The following TH variants were observed in gnomAD, a reference collection of about 807,000 sequenced individuals.
TH encodes the protein tyrosine 3-monooxygenase.
Under a neutral mutation model 57.4 loss-of-function variants are expected in TH, and 49 were observed. The observed-to-expected ratio is 0.85, with a 90% confidence interval of 0.68 to 1.08. TH has a LOEUF of 1.08. Among genes scored for constraint, TH ranks in the 50% least tolerant of loss-of-function variants. The pLI is 0.00. For missense variants in TH, 720 were observed against 696.7 expected (o/e 1.03, Z -0.38); for synonymous variants, 330 against 304.5 (o/e 1.08, Z -0.87).
rs149580405 is a variant in TH at position 2,169,809 on chromosome 11, C to T, written c.153G>A (p.Ala51=). 1.3e-5 allele frequency: 21 copies of T among 1,611,128 alleles called. No individual in the cohort carries two copies. The African/African-American group carries it at 1.6e-4, about 12-fold the overall frequency. ...CTGCAGCGGCCGCTGCTGCCACCGC[C>T]GCCTCCCGCTCCTTGCGGGCGTCCT... ...LIEDARKERE[A]AVAAAAAAVP... The change falls in exon 2 of 13, where the codon GCG becomes GCA. Residue 51 remains alanine (A), a synonymous_variant. Transcript: ENST00000352909.
intron 5 of TH, 53 bp downstream of exon 5, chr11:2,167,813 C>A (rs1846140337): frequency 6.5e-7 from 1 of 1,548,686 alleles, no homozygotes; most frequent in African/African-American, 1.4e-5. Flanking sequence ...CCCCCCAGGT[C>A]CAGCGTCAGC....
chr11:2,166,634 G>A lies in TH; in HGVS notation c.976C>T (p.Pro326Ser), dbSNP rs1461126424. 1.3e-6 allele frequency: 2 copies of A among 1,579,930 alleles called. No homozygotes were observed. Among genetic ancestry groups the A allele is most frequent in the Admixed American group, 1.8e-5 (1 of 54,190 alleles). The change falls in exon 8 of 13, where the codon CCG becomes TCG. Residue 326 changes from proline to serine, a missense_variant and splice_region_variant. Transcript: ENST00000352909. Reference protein sequence around the residue: ...HASSPMHSPEPDCCHELLGHV... With the variant: ...HASSPMHSPESDCCHELLGHV... ...CTGGCGGCCAGGGCGCGCACTCACG[G>A]CTCAGGGGAGTGCATGGGCGAGGAC...
intron 9 of TH, 60 bp from the exon 10 acceptor site, chr11:2,166,118 G>T: frequency 1.3e-6 from 2 of 1,527,144 alleles, no homozygotes; most frequent in Non-Finnish European, 1.8e-6. Flanking sequence ...CTCGAGGTGG[G>T]GGCACCGGGG....
intron 11 of TH, 146 bp from the exon 12 acceptor site, chr11:2,165,511 G>A: frequency 7.2e-7 from 1 of 1,397,848 alleles, no homozygotes; most frequent in South Asian, 1.2e-5. Context: ...GGGATAATGT[G>A]GGGTGAGGAC....
chr11:2,166,435 G>C (rs969704497), intron 9 of TH, 45 bp downstream of exon 9: 74 of 1,534,322 alleles, frequency 4.8e-5, no homozygotes, highest in Non-Finnish European at 6.3e-5. Flanking sequence ...CCGGCGCCAA[G>C]CCAGCCCCTG....
intron 12 of TH, 97 bp from the exon 13 acceptor site, chr11:2,164,489 T>A: frequency 7.1e-7 from 1 of 1,410,878 alleles, no homozygotes; most frequent in Non-Finnish European, 9.5e-7. Context: ...ACCTTCACAG[T>A]GGCTCAGAGC....
In TH at chr11:2,166,949, C is replaced by T. The variant is rs372142970; in HGVS notation, c.779G>A (p.Arg260His). 2 of 1,597,324 alleles carry T rather than the reference C, an allele frequency of 1.3e-6. No homozygotes were observed. Among genetic ancestry groups the T allele is most frequent in the African/African-American group, 1.3e-5 (1 of 74,870 alleles). ...ATTGTCTTCCCGGTAGCCGCTGAAGCGCTCCAGCAAAGCAAAGGCCTCCAG... is the reference window on the plus strand; with the variant it reads ...ATTGTCTTCCCGGTAGCCGCTGAAGTGCTCCAGCAAAGCAAAGGCCTCCAG... ...EHLEAFALLE[R>H]FSGYREDNIP... is the part of the protein sequence containing the mutation. The change falls in exon 7 of 13, where the codon CGC becomes CAC. Residue 260 changes from arginine (R) to histidine (H), a missense_variant. Physicochemically the swap from Arg to His is conservative, Grantham distance 29. Coordinates refer to ENST00000352909, the MANE Select transcript of TH (RefSeq NM_000360.4).
chr11:2,169,124 C>T (rs1301296767), intron 2 of TH, among the ~76,000 whole-genome samples: 5 of 152,064 alleles, frequency 3.3e-5, no homozygotes, highest in African/African-American at 4.8e-5. Context: ...GCAACAAGGG[C>T]GGTGGGTCGC....
In TH at chr11:2,168,519, C is replaced by T. The variant is rs373986982; in HGVS notation, c.459G>A (p.Glu153=). 122 of 1,612,224 alleles carry T rather than the reference C, an allele frequency of 7.6e-5. No individual in the cohort carries two copies. The highest frequency in any genetic ancestry group is 9.4e-5 in the Non-Finnish European group (111 of 1,179,852). ...ALLSGVRQVS[E]DVRSPAGPKV... ...TGGGCCCCGCGGGGCTGCGCACGTC[C>T]TCTGACACCTGGCGCACACCACTGA... The change falls in exon 3 of 13, where the codon GAG becomes GAA. Residue 153 remains glutamate, a synonymous_variant. Transcript: ENST00000352909.
chr11:2,164,204 T>C lies in TH; in HGVS notation c.*29A>G. On this transcript the variant is annotated 3_prime_UTR_variant, in exon 13 of 13. Coordinates refer to ENST00000352909, the MANE Select transcript of TH (RefSeq NM_000360.4). ...GGGACAGTGCAGGACCAGGGGAGGTTGGGAAGGGCCCTCAGGGACGCCGTG... is the reference window on the plus strand; with the variant it reads ...GGGACAGTGCAGGACCAGGGGAGGTCGGGAAGGGCCCTCAGGGACGCCGTG... 7.0e-7 allele frequency: 1 copy of C among 1,429,652 alleles called. No individual in the cohort carries two copies. The highest frequency in any genetic ancestry group is 1.5e-5 in the African/African-American group (1 of 68,018). 88.6% of individuals were successfully genotyped at this position (1,429,652 alleles called of 1,614,324 possible).
Position 2,165,657 on chromosome 11 carries a change from G to C in TH, c.1200+11C>G. 1.9e-6 allele frequency: 3 copies of C among 1,612,416 alleles called. No individual in the cohort carries two copies. Among genetic ancestry groups the C allele is most frequent in the Non-Finnish European group, 2.5e-6 (3 of 1,179,724 alleles). ...CCTCTGCTGGGGGCTGCAGCAAGGA[G>C]AGACTCTCACCAGGAGCTCCCCGTA... On this transcript the variant is annotated intron_variant, in intron 11 of 12. Transcript: ENST00000352909.
In TH at chr11:2,167,040, C is replaced by A; in HGVS notation, c.696-8G>T. On this transcript the variant is annotated splice_region_variant and splice_polypyrimidine_tract_variant and intron_variant, in intron 6 of 12. Coordinates refer to ENST00000352909, the MANE Select transcript of TH (RefSeq NM_000360.4). Reference sequence around the variant, plus strand: ...GTGGTGTAGACCTCCTTCCTGCGGGCAGCCAGGCTCAGGGCCCTCTAATGC... The same window carrying A: ...GTGGTGTAGACCTCCTTCCTGCGGGAAGCCAGGCTCAGGGCCCTCTAATGC... 1 of 1,573,892 alleles carries A rather than the reference C, an allele frequency of 6.4e-7. No individual in the cohort carries two copies. The highest frequency in any genetic ancestry group is 8.6e-7 in the Non-Finnish European group (1 of 1,159,804).
rs1846212143 is a variant in TH, at chr11:2,170,085, GA to G, written c.91-215del. Among the ~76,000 whole-genome samples the G allele has an allele frequency of 6.6e-6, 1 of 152,212 alleles. No homozygotes were observed. Among genetic ancestry groups the G allele is most frequent in the South Asian group, 2.1e-4 (1 of 4,836 alleles). On this transcript the variant is annotated intron_variant, in intron 1 of 12. Transcript: ENST00000352909. This position sits in a 1 kb window ranked among gnomAD's most constrained non-coding sequence, Gnocchi z 6.0. ...CTTCCCGATGGGGGCAGCCCAGTCAGAAGCAGTGGTGGTGGGGGAGGAGTGG... is the reference window on the plus strand; with the variant it reads ...CTTCCCGATGGGGGCAGCCCAGTCAGAGCAGTGGTGGTGGGGGAGGAGTGG...
rs1043255181 is a variant in TH, at chr11:2,166,034, C to T, written c.1072G>A (p.Ala358Thr). The change falls in exon 10 of 13, where the codon GCC (alanine) becomes ACC (threonine). Residue 358 changes from alanine to threonine, a missense_variant. Transcript: ENST00000352909. The stretch of plus-strand genomic sequence containing the variant: ...AGCTTCTCAATTTCCTCATCCGAGG[C>T]CCCCAGGGACGCCAGGCCAATGTCC... ...SQDIGLASLG[A>T]SDEEIEKLST... The T allele has an allele frequency of 6.4e-6, 10 of 1,559,730 alleles. No homozygotes were observed. In the African/African-American group the frequency reaches 8.1e-5, roughly 13 times the overall value.
chr11:2,165,515 T>G, intron 11 of TH, 150 bp from the exon 12 acceptor site: 1 of 1,382,190 alleles, frequency 7.2e-7, no homozygotes. Flanking sequence ...TAATGTGGGG[T>G]GAGGACTGGG....
At position 2,168,190 on chromosome 11, in the gene TH, G is replaced by A; in HGVS notation, c.488-11C>T. The A allele has an allele frequency of 6.2e-7, 1 of 1,612,536 alleles. No homozygotes were observed. The highest frequency in any genetic ancestry group is 8.5e-7 in the Non-Finnish European group (1 of 1,179,258). ...TTGGGAACCAGGGGACTTTATGGGTGATGGAGGAAGAGATCTTGGTGAGCT... is the reference window on the plus strand; with the variant it reads ...TTGGGAACCAGGGGACTTTATGGGTAATGGAGGAAGAGATCTTGGTGAGCT... On this transcript the variant is annotated splice_polypyrimidine_tract_variant and intron_variant, in intron 3 of 12. Coordinates refer to ENST00000352909, the MANE Select transcript of TH (RefSeq NM_000360.4).
chr11:2,168,372 C>T (rs1445112744), intron 3 of TH, 119 bp downstream of exon 3: 3 of 1,453,612 alleles, frequency 2.1e-6, no homozygotes, highest in African/African-American at 1.4e-5. Flanking sequence ...GGAGTGGAGC[C>T]CGCAGAGAGG....
chr11:2,168,022 C>T (rs1846149452), intron 4 of TH, 69 bp downstream of exon 4: 1 of 1,610,244 alleles, frequency 6.2e-7, no homozygotes, highest in Non-Finnish European at 8.5e-7. Flanking sequence ...AGACTCCTGT[C>T]CAGGGTTGGG....
chr11:2,169,144 C>G (rs576330814), intron 2 of TH, among the ~76,000 whole-genome samples: 3 of 152,032 alleles, frequency 2.0e-5, no homozygotes, highest in Non-Finnish European at 4.4e-5. Context: ...CAGTGGCCCT[C>G]GGGCCACAAA....
Sources: allele counts gnomAD v4.1 joint callset (sites outside exome capture counted in the v4.1 genomes callset), GRCh38; gene constraint gnomAD v4.1.1; non-coding constraint Gnocchi (gnomAD v3.1); transcripts MANE v1.5; gene names NCBI Gene and HGNC (gene_info 2026-07-23, HGNC 2026-07-21).